Variants in PSMD12 observed in about 807,000 individuals in gnomAD.
PSMD12 encodes the protein proteasome 26S subunit, non-ATPase 12.
Under a neutral mutation model 62.9 loss-of-function variants are expected in PSMD12, and 8 were observed. That is an observed-to-expected ratio of 0.13 (90% confidence interval 0.07 to 0.23). PSMD12 has a LOEUF of 0.23. Ranked by LOEUF, PSMD12 falls within the 10% of genes least tolerant of loss-of-function variation. The pLI is 1.00. For missense variants in PSMD12, 424 were observed against 550.2 expected, an observed-to-expected ratio of 0.77 and a Z score of 2.29; for synonymous variants, 173 against 187.4, an observed-to-expected ratio of 0.92 and a Z score of 0.63.
rs1328568853 is a variant in PSMD12 at position 67,340,805 on chromosome 17, A to T, written c.*38T>A. 6.8e-7 allele frequency: 1 copy of T among 1,462,820 alleles called. No homozygotes were observed. Among genetic ancestry groups the T allele is most frequent in the Admixed American group, 2.6e-5 (1 of 38,742 alleles). The allele number at this position is 1,462,820 out of a possible 1,614,324, so 90.6% of individuals were successfully genotyped here. A position where few individuals can be genotyped will look rare whatever the true frequency, so the allele number is the denominator to read the frequency against. On this transcript the variant is annotated 3_prime_UTR_variant, in exon 11 of 11. Transcript: ENST00000356126. ...CCATTATAACAGTCTTTTTTTAATG[A>T]CTTCCAATTTTAACTTTTTTCTAAA...
intron 1 of PSMD12, 124 bp downstream of exon 1, chr17:67,366,288 A>T: frequency 1.1e-6 from 1 of 946,728 alleles, no homozygotes; most frequent in African/African-American, 1.6e-5. Context: ...GTGCAGGCCC[A>T]ACTAGGGCTG....
chr17:67,346,690 T>G lies in PSMD12; in HGVS notation c.795+426A>C, dbSNP rs543576766. Among the ~76,000 whole-genome samples the G allele has an allele frequency of 5.3e-5, 8 of 152,348 alleles. No homozygotes were observed. In the South Asian group the frequency reaches 1.4e-3, roughly 28 times the overall value. ...TCACAAAACTATTATAATAAATCAT[T>G]GCTAATCTGACTTACTCCCCTCAGC... On this transcript the variant is annotated intron_variant, in intron 7 of 10. Coordinates refer to ENST00000356126, the MANE Select transcript of PSMD12 (RefSeq NM_002816.5).
At chr17:67,359,379 T>C (rs1177933729) in intron 1 of PSMD12, among the ~76,000 whole-genome samples, 1 of 152,194 alleles carries the variant, frequency 6.6e-6, no homozygotes, top group African/African-American at 2.4e-5. Flanking sequence ...TTAAAATGCA[T>C]TTATTTAACA....
chr17:67,358,685 G>A (rs571725526), intron 1 of PSMD12, among the ~76,000 whole-genome samples: 7 of 151,746 alleles, frequency 4.6e-5, no homozygotes, highest in Non-Finnish European at 8.8e-5. Context: ...GTTCCAAGGA[G>A]AAATAAAAAG....
chr17:67,358,481 T>C (rs1192744822), intron 1 of PSMD12, among the ~76,000 whole-genome samples: 1 of 145,764 alleles, frequency 6.9e-6, no homozygotes, highest in South Asian at 2.1e-4. Context: ...AGTGGGAGGC[T>C]GGCTTGAGCC....
At chr17:67,346,008 G>A (rs907035430) in intron 7 of PSMD12, 151 bp from the exon 8 acceptor site, 2 of 662,010 alleles carry the variant, frequency 3.0e-6, no homozygotes, top group Non-Finnish European at 5.1e-6. Flanking sequence ...CCAGCACTTT[G>A]GGAGGCCAAG....
rs769347219 is a variant in PSMD12, at chr17:67,348,585, C to T, written c.475G>A (p.Val159Met). 4 of 1,613,892 alleles carry T rather than the reference C, an allele frequency of 2.5e-6. No individual in the cohort carries two copies. The highest frequency in any genetic ancestry group is 1.1e-5 in the South Asian group (1 of 91,052). ...LATIKEQNGDVKEAASILQEL... is the reference protein window; with the variant it reads ...LATIKEQNGDMKEAASILQEL... ...TGTAAAATGGAGGCTGCCTCTTTCA[C>T]ATCACCATTTTGTTCTTTTATAGTT... Residue 159 changes from valine (V) to methionine (M), a missense_variant, in exon 5 of 11, where the codon GTG becomes ATG. Physicochemically the swap from Val to Met is conservative, Grantham distance 21. Coordinates refer to ENST00000356126, the MANE Select transcript of PSMD12 (RefSeq NM_002816.5).
At chr17:67,364,645 A>G (rs2042163077) in intron 1 of PSMD12, among the ~76,000 whole-genome samples, 1 of 152,170 alleles carries the variant, frequency 6.6e-6, no homozygotes, top group Middle Eastern at 3.2e-3. Flanking sequence ...TCCAAAGTGG[A>G]GGTTCAGGGG....
At chr17:67,349,582 GAA>G (rs1222899086) in intron 4 of PSMD12, among the ~76,000 whole-genome samples, 4 of 152,162 alleles carry the variant, frequency 2.6e-5, no homozygotes, top group Non-Finnish European at 4.4e-5. Flanking sequence ...GTGATTATTT[GAA>G]AAGTGTGTTA....
At chr17:67,352,710 A>G (rs1026683653) in intron 3 of PSMD12, among the ~76,000 whole-genome samples, 5 of 152,222 alleles carry the variant, frequency 3.3e-5, no homozygotes, top group Admixed American at 3.3e-4. Context: ...TAAACAATCT[A>G]TAAGCTTTAA....
Position 67,345,833 on chromosome 17 carries a change from C to T in PSMD12, c.820G>A (p.Val274Ile). ...TCATTGTCAAAAGGAGCCAGGATAACATAGAGTACAACACTCTTCAGAGCC... is the reference window on the plus strand; with the variant it reads ...TCATTGTCAAAAGGAGCCAGGATAATATAGAGTACAACACTCTTCAGAGCC... ...QQALKSVVLY[V>I]ILAPFDNEQS... The change falls in exon 8 of 11, where the codon GTT becomes ATT. Residue 274 changes from valine (V) to isoleucine (I), a missense_variant. Val to Ile is a conservative substitution (Grantham distance 29, BLOSUM62 3). Transcript: ENST00000356126. 1 of 1,613,440 alleles carries T rather than the reference C, an allele frequency of 6.2e-7. No homozygotes were observed. Among genetic ancestry groups the T allele is most frequent in the Non-Finnish European group, 8.5e-7 (1 of 1,179,362 alleles).
chr17:67,360,921 A>C (rs554386128), intron 1 of PSMD12, among the ~76,000 whole-genome samples: 1 of 152,226 alleles, frequency 6.6e-6, no homozygotes, highest in South Asian at 2.1e-4. Context: ...CATTTAATAC[A>C]ATTTCCAATT....
In PSMD12 at chr17:67,357,358, T is replaced by G. The variant is rs755827421; in HGVS notation, c.242A>C (p.Asp81Ala). ...AAGCATAATATTTTCATTAAGTAAA[T>G]CCCATTCTTTAGCCTCATAGCACAT... Reference protein sequence around the residue: ...VKMCYEAKEWDLLNENIMLLS... With the variant: ...VKMCYEAKEWALLNENIMLLS... The change falls in exon 3 of 11, where the codon GAT (aspartate) becomes GCT (alanine). Residue 81 changes from aspartate to alanine, a missense_variant. Coordinates refer to ENST00000356126, the MANE Select transcript of PSMD12 (RefSeq NM_002816.5). The G allele has an allele frequency of 8.0e-5, 129 of 1,613,716 alleles. 1 individual carries two copies. In the South Asian group the frequency reaches 1.3e-3, roughly 16 times the overall value.
chr17:67,347,077 G>T, intron 7 of PSMD12, 39 bp downstream of exon 7: 1 of 1,554,404 alleles, frequency 6.4e-7, no homozygotes, highest in African/African-American at 1.4e-5. Context: ...TTACTCTTCT[G>T]AATAAGAAGC....
chr17:67,347,080 T>G, intron 7 of PSMD12, 36 bp downstream of exon 7: 1 of 1,556,166 alleles, frequency 6.4e-7, no homozygotes, highest in Non-Finnish European at 8.7e-7. Context: ...CTCTTCTGAA[T>G]AAGAAGCCAT....
At position 67,347,402 on chromosome 17, in the gene PSMD12, A is replaced by T. The variant is rs1489747681; in HGVS notation, c.594T>A (p.Asp198Glu). 6.2e-7 allele frequency: 1 copy of T among 1,613,980 alleles called. No homozygotes were observed. Among genetic ancestry groups the T allele is most frequent in the East Asian group, 2.2e-5 (1 of 44,850 alleles). Residue 198 changes from aspartate to glutamate, a missense_variant, in exon 6 of 11, where the codon GAT becomes GAA. By Grantham distance (45) the Asp-to-Glu change is conservative (BLOSUM62 2). Transcript: ENST00000356126. ...TGCTGATGATTTGTGTTCGAATGTAATCCTTCACAGCTAGGCAGAGCCTCA... is the reference window on the plus strand; with the variant it reads ...TGCTGATGATTTGTGTTCGAATGTATTCCTTCACAGCTAGGCAGAGCCTCA... ...EQMRLCLAVK[D>E]YIRTQIISKK...
At chr17:67,358,567 CAAAA>C (rs398039153) in intron 1 of PSMD12, among the ~76,000 whole-genome samples, 1 of 74,074 alleles carries the variant, frequency 1.3e-5, no homozygotes, top group African/African-American at 5.4e-5. Context: ...GAACCTGTCT[CAAAA>C]AAAAAAAAAA....
chr17:67,363,941 C>T (rs1394290618), intron 1 of PSMD12, among the ~76,000 whole-genome samples: 2 of 151,894 alleles, frequency 1.3e-5, no homozygotes, highest in Non-Finnish European at 2.9e-5. Context: ...CCCAGATACT[C>T]GGGAGGCTGA....
At position 67,355,985 on chromosome 17, in the gene PSMD12, C is replaced by G. The variant is rs1353396703; in HGVS notation, c.297+1318G>C. 3.9e-5 allele frequency among the ~76,000 whole-genome samples: 3 copies of G among 77,172 alleles called. No homozygotes were observed. In the East Asian group the frequency reaches 1.1e-3, roughly 28 times the overall value. The allele number at this position is 77,172 out of a possible 152,430, so 50.6% of individuals were successfully genotyped here. A position where few individuals can be genotyped will look rare whatever the true frequency, so the allele number is the denominator to read the frequency against. ...CCCCATTTCTACACACACACACACA[C>G]ACACACACACACACACACACACACG... is the stretch of plus-strand genomic sequence containing the variant. On this transcript the variant is annotated intron_variant, in intron 3 of 10. Coordinates refer to ENST00000356126, the MANE Select transcript of PSMD12 (RefSeq NM_002816.5).
Sources: allele counts gnomAD v4.1 joint callset (sites outside exome capture counted in the v4.1 genomes callset), GRCh38; gene constraint gnomAD v4.1.1; transcripts MANE v1.5; gene names NCBI Gene and HGNC (gene_info 2026-07-23, HGNC 2026-07-21).